BEST1: variants seen among roughly 807,000 people sequenced by gnomAD.
The protein encoded by BEST1 is bestrophin-1.
Under a neutral mutation model 63.3 loss-of-function variants are expected in BEST1, and 58 were observed. That is an observed-to-expected ratio of 0.92 (90% CI 0.74 to 1.14). The LOEUF (loss-of-function observed/expected upper bound fraction) is 1.14, where lower values mean the gene tolerates loss of function less well. Ranked by LOEUF, BEST1 falls within the 50% of genes most tolerant of loss-of-function variation. The pLI is 0.00. For missense variants in BEST1, 671 were observed against 740.1 expected (o/e 0.91, Z 1.08); for synonymous variants, 283 against 291.6 (o/e 0.97, Z 0.30).
chr11:61,957,972 T>TCAAACAAACAAACAAACAAA (rs71046754), intron 6 of BEST1, among the ~76,000 whole-genome samples, 174 bp from the exon 7 acceptor site: 1 of 149,614 alleles, frequency 6.7e-6, no homozygotes, highest in Non-Finnish European at 1.5e-5. Flanking sequence ...AGACTCTGTC[T>TCAAACAAACAAACAAACAAA]CAAACAAACA....
Position 61,960,043 on chromosome 11 carries a change from G to A in BEST1, c.1100G>A (p.Ser367Asn), listed in dbSNP as rs1488060203. 2 of 1,607,318 alleles carry A rather than the reference G, an allele frequency of 1.2e-6. No homozygotes were observed. Among genetic ancestry groups the A allele is most frequent in the Non-Finnish European group, 1.7e-6 (2 of 1,177,456 alleles). Residue 367 changes from serine to asparagine, a missense_variant and splice_region_variant, in exon 9 of 11, where the codon AGC (serine) becomes AAC (asparagine). Coordinates refer to ENST00000378043, the MANE Select transcript of BEST1 (RefSeq NM_004183.4). Reference protein sequence around the residue: ...ASFMGSTFNISLNKEEMEFQP... With the variant: ...ASFMGSTFNINLNKEEMEFQP... ...TTTATGGGCTCCACCTTCAACATCA[G>A]GTGTGGCCAGAGCCAGGGGGCTGGG...
At position 61,955,948 on chromosome 11, in the gene BEST1, G is replaced by C. The variant is rs1941286993; in HGVS notation, c.478G>C (p.Ala160Pro). 1.3e-6 allele frequency: 2 copies of C among 1,546,206 alleles called. No individual in the cohort carries two copies. Among genetic ancestry groups the C allele is most frequent in the East Asian group, 4.9e-5 (2 of 40,808 alleles). Residue 160 changes from alanine to proline, a missense_variant, in exon 4 of 11, where the codon GCA becomes CCA. Transcript: ENST00000378043. ...RFPSAQHLVQ[A>P]GFMTPAEHKQ... ...CCCCAGCGCCCAGCACCTGGTGCAAGCAGGTGGGCGGACCGGGAGCAACGG... is the reference window on the plus strand; with the variant it reads ...CCCCAGCGCCCAGCACCTGGTGCAACCAGGTGGGCGGACCGGGAGCAACGG...
chr11:61,963,047 C>A, intron 10 of BEST1, 154 bp downstream of exon 10: 1 of 1,522,152 alleles, frequency 6.6e-7, no homozygotes. Context: ...GGGGTATATA[C>A]TTGGCCACCT....
rs1383771101 is a variant in BEST1, at chr11:61,957,536, G to A, written c.714+72G>A. ...GAAGGACCAAGGAAGCAGCTGGGGT[G>A]GGAAGGGCTCACCTAGAGGCTAAGT... On this transcript the variant is annotated intron_variant, in intron 6 of 10. Coordinates refer to ENST00000378043, the MANE Select transcript of BEST1 (RefSeq NM_004183.4). The A allele has an allele frequency of 5.5e-6, 8 of 1,451,580 alleles. No individual in the cohort carries two copies. The East Asian group carries it at 1.4e-4, about 25-fold the overall frequency. The allele number at this position is 1,451,580 out of a possible 1,614,324, so 89.9% of individuals were successfully genotyped here. A position where few individuals can be genotyped will look rare whatever the true frequency, so the allele number is the denominator to read the frequency against.
intron 1 of BEST1, among the ~76,000 whole-genome samples, chr11:61,951,493 G>A (rs1940653581): frequency 1.3e-5 from 2 of 152,210 alleles, no homozygotes; most frequent in African/African-American, 2.4e-5. Flanking sequence ...ATAGGCATGA[G>A]CCACTGCGCC....
At chr11:61,951,980 C>T (rs201784866) in intron 2 of BEST1, 22 bp downstream of exon 2, 10 of 1,612,260 alleles carry the variant, frequency 6.2e-6, no homozygotes, top group East Asian at 4.5e-5. Context: ...AGGGCTGGGC[C>T]GGGGGGCCTG....
At chr11:61,958,797 C>T in intron 7 of BEST1, 1 of 332,040 alleles carries the variant, frequency 3.0e-6, no homozygotes, top group South Asian at 2.5e-5. Flanking sequence ...CCCACCCACT[C>T]TCTCTCCCTT....
chr11:61,954,754 C>A, intron 2 of BEST1: 6 of 975,944 alleles, frequency 6.1e-6, no homozygotes, highest in Non-Finnish European at 6.1e-6. Context: ...CCGTCCCAAA[C>A]ACTCTGTTTC....
chr11:61,960,060 G>A lies in BEST1; in HGVS notation c.1100+17G>A, dbSNP rs769204186. The A allele has an allele frequency of 4.4e-6, 7 of 1,603,298 alleles. No homozygotes were observed. The highest frequency in any genetic ancestry group is 1.3e-5 in the African/African-American group (1 of 74,846). Reference sequence around the variant, plus strand: ...CAACATCAGGTGTGGCCAGAGCCAGGGGGCTGGGTGGGAAGCCCCTCCTAG... The same window carrying A: ...CAACATCAGGTGTGGCCAGAGCCAGAGGGCTGGGTGGGAAGCCCCTCCTAG... On this transcript the variant is annotated intron_variant, in intron 9 of 10. Transcript: ENST00000378043.
Position 61,959,877 on chromosome 11 carries a change from G to A in BEST1, c.949-15G>A, listed in dbSNP as rs1338339262. On this transcript the variant is annotated splice_polypyrimidine_tract_variant and intron_variant, in intron 8 of 10. Coordinates refer to ENST00000378043, the MANE Select transcript of BEST1 (RefSeq NM_004183.4). ...ATGATCTTTCTGTGGGACTTCTTCTGTCCCTGGTGACCAGGTGTCCCTGTT... is the reference window on the plus strand; with the variant it reads ...ATGATCTTTCTGTGGGACTTCTTCTATCCCTGGTGACCAGGTGTCCCTGTT... 6.2e-7 allele frequency: 1 copy of A among 1,613,620 alleles called. No individual in the cohort carries two copies. Among genetic ancestry groups the A allele is most frequent in the East Asian group, 2.2e-5 (1 of 44,864 alleles).
At chr11:61,964,740 T>A (rs1942400321), downstream of BEST1, 1 of 1,598,606 alleles carries the variant, frequency 6.3e-7, no homozygotes, top group South Asian at 1.1e-5. Flanking sequence ...GCTTTCATTA[T>A]CACTGTCTCC....
chr11:61,955,273 C>T (rs1941173381), intron 3 of BEST1, 72 bp downstream of exon 3: 1 of 1,492,464 alleles, frequency 6.7e-7, no homozygotes, highest in Non-Finnish European at 9.1e-7. Context: ...GGGAGGATCA[C>T]GAGGAGCTGC....
chr11:61,959,880 C>G lies in BEST1; in HGVS notation c.949-12C>G, dbSNP rs760480676. The stretch of plus-strand genomic sequence containing the variant: ...ATCTTTCTGTGGGACTTCTTCTGTC[C>G]CTGGTGACCAGGTGTCCCTGTTGGC... On this transcript the variant is annotated splice_polypyrimidine_tract_variant and intron_variant, in intron 8 of 10. Coordinates refer to ENST00000378043, the MANE Select transcript of BEST1 (RefSeq NM_004183.4). 6.2e-7 allele frequency: 1 copy of G among 1,613,638 alleles called. No homozygotes were observed. The highest frequency in any genetic ancestry group is 1.1e-5 in the South Asian group (1 of 90,892).
At chr11:61,955,653 G>GCTGGGCC in intron 3 of BEST1, 65 bp from the exon 4 acceptor site, 1 of 1,485,728 alleles carries the variant, frequency 6.7e-7, no homozygotes, top group Non-Finnish European at 9.2e-7. Flanking sequence ...ATCGCCGGGC[G>GCTGGGCC]CTGGGCCCTG....
intron 2 of BEST1, chr11:61,954,786 C>T (rs1941091726): frequency 3.0e-6 from 3 of 984,254 alleles, no homozygotes; most frequent in African/African-American, 1.7e-5. Context: ...AAACAACTGA[C>T]CCTTGGCTGC....
chr11:61,962,775 CTGACGGATA>C lies in BEST1; in HGVS notation c.1624_1632del (p.Thr542_Met544del). The C allele has an allele frequency of 1.2e-6, 2 of 1,614,202 alleles. No individual in the cohort carries two copies. Among genetic ancestry groups the C allele is most frequent in the Non-Finnish European group, 1.7e-6 (2 of 1,180,044 alleles). On this transcript the variant is annotated inframe_deletion, in exon 10 of 11. Transcript: ENST00000378043. ...GAGGAGGAAAACTGTGGAGTTTAAC[CTGACGGATA>C]TGCCAGAGATCCCCGAAAATCACCT... is the stretch of plus-strand genomic sequence containing the variant.
intron 3 of BEST1, 164 bp from the exon 4 acceptor site, chr11:61,955,554 G>A (rs1168740694): frequency 4.7e-5 from 47 of 1,009,550 alleles, no homozygotes; most frequent in Non-Finnish European, 6.5e-5. Flanking sequence ...GCCTCCATGC[G>A]AGGCTCTGCC....
intron 1 of BEST1, among the ~76,000 whole-genome samples, chr11:61,950,666 A>T (rs1241133674): frequency 6.6e-6 from 1 of 152,226 alleles, no homozygotes; most frequent in Admixed American, 6.5e-5. Flanking sequence ...GGCATCAATC[A>T]CTGCTTCAGT....
chr11:61,961,252 G>A (rs1223515500), intron 9 of BEST1: 2 of 152,204 alleles, frequency 1.3e-5, no homozygotes, highest in Non-Finnish European at 2.9e-5. Flanking sequence ...CTGACCTCAG[G>A]TGATCCACCC....
Sources: allele counts gnomAD v4.1 joint callset (sites outside exome capture counted in the v4.1 genomes callset), GRCh38; gene constraint gnomAD v4.1.1; transcripts MANE v1.5; gene names NCBI Gene and HGNC (gene_info 2026-07-23, HGNC 2026-07-21).